Variants in EHBP1 observed in about 807,000 individuals in gnomAD.
EHBP1 encodes the protein EH domain binding protein 1.
A neutral mutation model predicts 144.0 loss-of-function variants in EHBP1; 55 were observed. The ratio of observed to expected loss-of-function variants is 0.38; its 90% CI spans 0.31 to 0.48. The LOEUF (loss-of-function observed/expected upper bound fraction) is 0.48, where lower values mean the gene tolerates loss of function less well. Among genes scored for constraint, EHBP1 ranks in the 20% least tolerant of loss-of-function variants. The pLI is 0.98. For missense variants in EHBP1, 1,200 were observed against 1,364.2 expected, an observed-to-expected ratio of 0.88 and a Z score of 1.90; for synonymous variants, 469 against 472.7, an observed-to-expected ratio of 0.99 and a Z score of 0.10.
At chr2:62,974,608 G>T (rs115760588) in intron 14 of EHBP1, among the ~76,000 whole-genome samples, 2 of 152,198 alleles carry the variant, frequency 1.3e-5, no homozygotes, top group Non-Finnish European at 2.9e-5. Context: ...CATTTGTCAT[G>T]CTTCTCTATC....
At chr2:62,952,398 A>G (rs1350349089) in intron 13 of EHBP1, among the ~76,000 whole-genome samples, 1 of 152,244 alleles carries the variant, frequency 6.6e-6, no homozygotes, top group African/African-American at 2.4e-5. Context: ...TATATTATTT[A>G]TAATAGATAG....
chr2:62,914,098 T>A (rs2054427757), intron 10 of EHBP1, among the ~76,000 whole-genome samples: 1 of 152,130 alleles, frequency 6.6e-6, no homozygotes, highest in Admixed American at 6.5e-5. Flanking sequence ...GACAGAATAG[T>A]GTAACCACAG....
chr2:62,903,171 T>C (rs1025316231), intron 10 of EHBP1, among the ~76,000 whole-genome samples: 22 of 152,174 alleles, frequency 1.4e-4, no homozygotes, highest in African/African-American at 5.3e-4. Context: ...TGGGCAAATT[T>C]ATGAGGAAAA....
intron 1 of EHBP1, among the ~76,000 whole-genome samples, chr2:62,682,236 T>C (rs992338227): frequency 6.6e-6 from 1 of 152,214 alleles, no homozygotes; most frequent in Non-Finnish European, 1.5e-5. Flanking sequence ...AAAAGATATT[T>C]AATTGTTTAC....
At chr2:62,691,034 A>T (rs1558510703) in intron 1 of EHBP1, among the ~76,000 whole-genome samples, 1 of 152,250 alleles carries the variant, frequency 6.6e-6, no homozygotes, top group Non-Finnish European at 1.5e-5. Context: ...TAACTTAGAA[A>T]GTTGTTCCAT....
chr2:62,938,304 A>G (rs1175586694), intron 10 of EHBP1, among the ~76,000 whole-genome samples: 1 of 152,226 alleles, frequency 6.6e-6, no homozygotes, highest in Non-Finnish European at 1.5e-5. Flanking sequence ...AATCCTGGGA[A>G]TGAATCAGCT....
At chr2:62,901,868 G>A (rs889826035) in intron 10 of EHBP1, among the ~76,000 whole-genome samples, 22 of 151,944 alleles carry the variant, frequency 1.4e-4, no homozygotes, top group Non-Finnish European at 2.8e-4. Context: ...GGGAGGCTGA[G>A]GTAGGAAGAT....
intron 7 of EHBP1, among the ~76,000 whole-genome samples, chr2:62,838,791 G>A (rs2047529857): frequency 6.8e-6 from 1 of 147,270 alleles, no homozygotes; most frequent in Non-Finnish European, 1.5e-5. Context: ...ACTAAACCAG[G>A]AAGAAGTTGA....
Position 62,979,274 on chromosome 2 carries a change from A to G in EHBP1, c.2547A>G (p.Glu849=). ...CTCGATCTGGAGTGAAGATGTCAGA[A>G]CTTCCCAGCTATGGTGAAATGGCTG... is the stretch of plus-strand genomic sequence containing the variant. ...AEARSGVKMS[E]LPSYGEMAAE... Residue 849 remains glutamate, a synonymous_variant, in exon 15 of 23, where the codon GAA becomes GAG. Coordinates refer to ENST00000431489, the MANE Select transcript of EHBP1 (RefSeq NM_001142616.3). The G allele has an allele frequency of 6.2e-7, 1 of 1,614,004 alleles. No homozygotes were observed. The highest frequency in any genetic ancestry group is 1.3e-5 in the African/African-American group (1 of 75,072).
At chr2:62,752,747 C>G (rs1228041298) in intron 3 of EHBP1, among the ~76,000 whole-genome samples, 1 of 151,938 alleles carries the variant, frequency 6.6e-6, no homozygotes, top group Non-Finnish European at 1.5e-5. Context: ...CCTTCTTTGT[C>G]TCTTTTGGTC....
At chr2:63,031,736 C>G (rs1247037745) in intron 19 of EHBP1, among the ~76,000 whole-genome samples, 1 of 152,168 alleles carries the variant, frequency 6.6e-6, no homozygotes, top group Non-Finnish European at 1.5e-5. Context: ...TGAGACCAGC[C>G]TGGCCACCAT....
At chr2:62,847,631 C>G (rs2152745276) in intron 7 of EHBP1, among the ~76,000 whole-genome samples, 1 of 152,240 alleles carries the variant, frequency 6.6e-6, no homozygotes, top group African/African-American at 2.4e-5. Flanking sequence ...CTCAGGAGTT[C>G]AAGTCCATCC....
intron 10 of EHBP1, among the ~76,000 whole-genome samples, chr2:62,895,240 T>G (rs909618966): frequency 3.3e-5 from 5 of 152,142 alleles, no homozygotes; most frequent in Non-Finnish European, 7.3e-5. Flanking sequence ...CTTGCATAAC[T>G]GCACACTGAA....
intron 19 of EHBP1, among the ~76,000 whole-genome samples, chr2:63,007,720 A>C (rs1431775787): frequency 3.3e-5 from 5 of 151,788 alleles, no homozygotes; most frequent in African/African-American, 9.7e-5. Context: ...TGGTTCCTCT[A>C]CCCACACATA....
intron 8 of EHBP1, among the ~76,000 whole-genome samples, chr2:62,864,392 A>G (rs942728940): frequency 2.0e-5 from 3 of 152,210 alleles, no homozygotes; most frequent in Admixed American, 2.0e-4. Context: ...AAAGAATATA[A>G]TTTTGCACAT....
At position 63,046,049 on chromosome 2, in the gene EHBP1, T is replaced by C. The variant is rs1218149217; in HGVS notation, c.*549T>C. ...GTGTTCTATTTACCAGTGGAGTTTTTCTGCAGTGGTTGCGTTTCACTGTAA... is the reference window on the plus strand; with the variant it reads ...GTGTTCTATTTACCAGTGGAGTTTTCCTGCAGTGGTTGCGTTTCACTGTAA... On this transcript the variant is annotated 3_prime_UTR_variant, in exon 23 of 23. Coordinates refer to ENST00000431489, the MANE Select transcript of EHBP1 (RefSeq NM_001142616.3). 6.5e-6 allele frequency: 1 copy of C among 153,590 alleles called. No homozygotes were observed. Among genetic ancestry groups the C allele is most frequent in the Non-Finnish European group, 1.5e-5 (1 of 68,824 alleles). 9.5% of individuals were successfully genotyped at this position (153,590 alleles called of 1,614,324 possible). A position where few individuals can be genotyped will look rare whatever the true frequency, so the allele number is the denominator to read the frequency against.
intron 7 of EHBP1, among the ~76,000 whole-genome samples, chr2:62,856,591 G>T (rs534057019): frequency 8.1e-4 from 123 of 152,204 alleles, no homozygotes; most frequent in Non-Finnish European, 1.6e-3. Context: ...GCCAAGTGCA[G>T]CATGCCAGGC....
chr2:62,807,541 T>C (rs1027416375), intron 5 of EHBP1, among the ~76,000 whole-genome samples: 7 of 152,056 alleles, frequency 4.6e-5, no homozygotes, highest in Non-Finnish European at 1.5e-5. Context: ...AGAGCGAAAC[T>C]CCGCCTCAAA....
intron 3 of EHBP1, among the ~76,000 whole-genome samples, chr2:62,757,426 C>CTTTTTTTTTTTTTTTTTTTTTTTTT (rs555494268): frequency 2.7e-5 from 3 of 113,036 alleles, no homozygotes; most frequent in Admixed American, 8.9e-5. Flanking sequence ...TTTTTTTTTT[C>CTTTTTTTTTTTTTTTTTTTTTTTTT]TTTTTTTTTT....
Sources: gnomAD v4.1 joint callset for allele counts (sites outside exome capture counted in the v4.1 genomes callset) on GRCh38, gnomAD v4.1.1 for gene constraint, MANE v1.5 for transcripts, NCBI Gene and HGNC (gene_info 2026-07-23, HGNC 2026-07-21) for gene names.